The following NINJ2 variants were observed in gnomAD, a reference collection of about 807,000 sequenced individuals.
NINJ2 encodes ninjurin 2, also known as ninjurin-2.
A neutral mutation model predicts 11.7 loss-of-function variants in NINJ2; 12 were observed. The ratio of observed to expected loss-of-function variants is 1.02; its 90% CI spans 0.66 to 1.66. The LOEUF (loss-of-function observed/expected upper bound fraction) is 1.66. Ranked by LOEUF, NINJ2 falls within the 40% of genes most tolerant of loss-of-function variation. The pLI, the probability that NINJ2 is intolerant of heterozygous loss-of-function variation, is 0.00. For synonymous variants in NINJ2, 93 were observed against 76.8 expected (o/e 1.21, Z -1.10); for missense variants, 187 against 181.8 (o/e 1.03, Z -0.16).
Position 580,481 on chromosome 12 carries a change from G to C in NINJ2, c.34-14303C>G, listed in dbSNP as rs1057307324. On this transcript the variant is annotated intron_variant, in intron 1 of 3. Transcript: ENST00000305108. The surrounding 1 kb of genome is among the most constrained non-coding windows in gnomAD (Gnocchi z 4.7). ...TGCACGCCTATAATTCCAGCTACTC[G>C]GGAGGCTGAGGCAGGAGAATCACTT... Among the ~76,000 whole-genome samples the C allele has an allele frequency of 6.6e-6, 1 of 151,988 alleles. No homozygotes were observed. The highest frequency in any genetic ancestry group is 2.4e-5 in the African/African-American group (1 of 41,346).
rs1191442300 is a variant in NINJ2 at position 585,044 on chromosome 12, G to A, written c.34-18866C>T. ...TGAGGCAGGAGAATCACTTGAACCG[G>A]GGAGGCGGAGGTTGAAGTGGGCTGA... On this transcript the variant is annotated intron_variant, in intron 1 of 3. Coordinates refer to ENST00000305108, the MANE Select transcript of NINJ2 (RefSeq NM_016533.6). This position sits in a 1 kb window ranked among gnomAD's most constrained non-coding sequence, Gnocchi z 4.1. Among the ~76,000 whole-genome samples, 6 of 152,244 alleles carry A rather than the reference G, an allele frequency of 3.9e-5. No individual in the cohort carries two copies. Among genetic ancestry groups the A allele is most frequent in the African/African-American group, 1.2e-4 (5 of 41,470 alleles).
At chr12:639,654 T>C (rs150035066) in intron 1 of NINJ2, among the ~76,000 whole-genome samples, 2 of 152,310 alleles carry the variant, frequency 1.3e-5, no homozygotes, top group African/African-American at 2.4e-5. Context: ...CTGGAAACTA[T>C]GTGTGGGCTG....
At chr12:617,382 C>G (rs184877989) in intron 1 of NINJ2, among the ~76,000 whole-genome samples, 2 of 152,316 alleles carry the variant, frequency 1.3e-5, no homozygotes, top group East Asian at 3.9e-4. Context: ...GCCCTGGCCG[C>G]GTGCTGAGAA....
At chr12:575,575 G>C (rs1043529020) in intron 1 of NINJ2, among the ~76,000 whole-genome samples, 4 of 152,154 alleles carry the variant, frequency 2.6e-5, no homozygotes, top group Non-Finnish European at 5.9e-5. Flanking sequence ...GCCTGTGCTG[G>C]CCTTGGGCGT....
At chr12:656,510 G>A (rs1201677472) in intron 1 of NINJ2, among the ~76,000 whole-genome samples, 1 of 152,000 alleles carries the variant, frequency 6.6e-6, no homozygotes, top group African/African-American at 2.4e-5. Context: ...CAGCACTTTG[G>A]GAGGTAGGGT....
chr12:635,721 A>G (rs78672482), intron 1 of NINJ2, among the ~76,000 whole-genome samples: 3,199 of 152,358 alleles, frequency 0.021, 49 homozygotes, highest in Non-Finnish European at 0.033. Context: ...CAAAAGAAAA[A>G]AACAGATAAA....
chr12:602,316 C>A (rs992140909), intron 1 of NINJ2, among the ~76,000 whole-genome samples: 1 of 152,198 alleles, frequency 6.6e-6, no homozygotes, highest in East Asian at 1.9e-4. Context: ...ATCCCCAGCC[C>A]CAGCCTAGGC....
At chr12:635,043 T>G (rs1475898794) in intron 1 of NINJ2, among the ~76,000 whole-genome samples, 1 of 149,724 alleles carries the variant, frequency 6.7e-6, no homozygotes, top group African/African-American at 2.5e-5. Context: ...CTACACCCAG[T>G]CCCCATATAC....
At position 658,712 on chromosome 12, in the gene NINJ2, T is replaced by TA. The variant is rs530780725; in HGVS notation, c.33+4615dup. On this transcript the variant is annotated intron_variant, in intron 1 of 3. Coordinates refer to ENST00000305108, the MANE Select transcript of NINJ2 (RefSeq NM_016533.6). Reference sequence around the variant, plus strand: ...TATGCTATGCTATGCTATGCTATGCTATGCTATGCTATGCTAATGCTATGC... The same window carrying TA: ...TATGCTATGCTATGCTATGCTATGCTAATGCTATGCTATGCTAATGCTATGC... Among the ~76,000 whole-genome samples, 16 of 96,860 alleles carry TA rather than the reference T, an allele frequency of 1.7e-4. 1 individual carries two copies. The East Asian group carries it at 5.1e-3, about 31-fold the overall frequency. The allele number at this position is 96,860 out of a possible 152,430, so 63.5% of individuals were successfully genotyped here.
Position 566,010 on chromosome 12 carries a change from T to C in NINJ2, c.202A>G (p.Thr68Ala). 1 of 1,613,892 alleles carries C rather than the reference T, an allele frequency of 6.2e-7. No homozygotes were observed. Among genetic ancestry groups the C allele is most frequent in the South Asian group, 1.1e-5 (1 of 91,054 alleles). ...AGGAGCAGAGAGAGGCTGATGAGGG[T>C]GACCAGGGTGGTGTAGTAGTGAGAG... ...PSSHYYTTLV[T>A]LISLSLLLQV... The change falls in exon 2 of 4, where the codon ACC (threonine) becomes GCC (alanine). Residue 68 changes from threonine (T) to alanine (A), a missense_variant. Coordinates refer to ENST00000305108, the MANE Select transcript of NINJ2 (RefSeq NM_016533.6).
Position 585,234 on chromosome 12 carries a change from G to A in NINJ2, c.34-19056C>T, listed in dbSNP as rs1325574040. 6.8e-6 allele frequency among the ~76,000 whole-genome samples: 1 copy of A among 146,022 alleles called. No homozygotes were observed. Among genetic ancestry groups the A allele is most frequent in the Non-Finnish European group, 1.5e-5 (1 of 66,694 alleles). ...ACCTGCCGCCAGCGGTTCTCTCCCC[G>A]CCATTCACTGGGCTCTGGGGGCTCT... On this transcript the variant is annotated intron_variant, in intron 1 of 3. Coordinates refer to ENST00000305108, the MANE Select transcript of NINJ2 (RefSeq NM_016533.6). The surrounding 1 kb of genome is among the most constrained non-coding windows in gnomAD (Gnocchi z 4.1).
intron 1 of NINJ2, among the ~76,000 whole-genome samples, chr12:648,788 TTTCTC>T (rs917685628): frequency 2.0e-5 from 3 of 152,188 alleles, no homozygotes; most frequent in African/African-American, 7.2e-5. Context: ...ATTTCTCACT[TTTCTC>T]TTCCTTTCAC....
At chr12:655,322 A>T (rs1244931528) in intron 1 of NINJ2, among the ~76,000 whole-genome samples, 1 of 152,224 alleles carries the variant, frequency 6.6e-6, no homozygotes, top group Non-Finnish European at 1.5e-5. Flanking sequence ...TGAAGAAATA[A>T]AACTATCTCT....
intron 1 of NINJ2, chr12:643,908 A>G (rs1937633028): frequency 6.4e-6 from 1 of 155,088 alleles, no homozygotes; most frequent in Non-Finnish European, 1.5e-5. Context: ...CATAGCCCTT[A>G]TAATATCACC....
chr12:582,689 G>T (rs1208612712), intron 1 of NINJ2, among the ~76,000 whole-genome samples: 1 of 66,234 alleles, frequency 1.5e-5, no homozygotes, highest in East Asian at 5.9e-4. Context: ...ATGAATGGAC[G>T]CAGGCAGGCA....
At chr12:600,653 G>GT (rs1947853635) in intron 1 of NINJ2, among the ~76,000 whole-genome samples, 3 of 141,950 alleles carry the variant, frequency 2.1e-5, no homozygotes, top group Admixed American at 7.0e-5. Context: ...ATTTTTTTGG[G>GT]GTGTGTGTGT....
chr12:618,658 C>T (rs1202525824), intron 1 of NINJ2, among the ~76,000 whole-genome samples: 1 of 152,222 alleles, frequency 6.6e-6, no homozygotes, highest in Non-Finnish European at 1.5e-5. Context: ...ACCAGAGCCT[C>T]GGGCTCCAAG....
intron 1 of NINJ2, among the ~76,000 whole-genome samples, chr12:656,780 A>G (rs1937879389): frequency 6.6e-6 from 1 of 152,114 alleles, no homozygotes; most frequent in South Asian, 2.1e-4. Context: ...TAAAGCTACA[A>G]TAATTAAGAC....
chr12:629,163 C>T (rs1184702705), intron 1 of NINJ2, among the ~76,000 whole-genome samples: 1 of 152,224 alleles, frequency 6.6e-6, no homozygotes, highest in East Asian at 1.9e-4. Context: ...ATCGGGACCC[C>T]TTTCTGGCAA....
Sources: allele counts gnomAD v4.1 joint callset (sites outside exome capture counted in the v4.1 genomes callset), GRCh38; gene constraint gnomAD v4.1.1; non-coding constraint Gnocchi (gnomAD v3.1); transcripts MANE v1.5; gene names NCBI Gene and HGNC (gene_info 2026-07-23, HGNC 2026-07-21).